Variants in MMP16 observed in about 807,000 individuals in gnomAD.
The protein encoded by MMP16 is matrix metallopeptidase 16.
MMP16 carries 12 observed loss-of-function variants against 67.8 expected under a neutral mutation model. The observed-to-expected ratio is 0.18, with a 90% CI of 0.11 to 0.29. The LOEUF (loss-of-function observed/expected upper bound fraction) is 0.29. Among genes scored for constraint, MMP16 ranks in the 10% least tolerant of loss-of-function variants. The pLI is 1.00. For missense variants in MMP16, 475 were observed against 765.7 expected (o/e 0.62, Z 4.48); for synonymous variants, 249 against 255.9 (o/e 0.97, Z 0.26).
intron 2 of MMP16, among the ~76,000 whole-genome samples, chr8:88,191,210 C>T (rs2129766702): frequency 6.6e-6 from 1 of 152,152 alleles, no homozygotes; most frequent in South Asian, 2.1e-4. Context: ...GATCCTGGTG[C>T]CATACTGTAG....
At chr8:88,108,303 C>T (rs1039056282) in intron 6 of MMP16, among the ~76,000 whole-genome samples, 3 of 151,122 alleles carry the variant, frequency 2.0e-5, no homozygotes, top group Non-Finnish European at 4.5e-5. Flanking sequence ...AAACGGCTAG[C>T]TATCTAACCA....
At chr8:88,258,146 C>T (rs1209244001) in intron 1 of MMP16, among the ~76,000 whole-genome samples, 2 of 151,876 alleles carry the variant, frequency 1.3e-5, no homozygotes, top group African/African-American at 4.8e-5. Context: ...CCCGGGTTCA[C>T]GTCAAATGAC....
At chr8:88,073,137 T>G (rs1808589549) in intron 7 of MMP16, among the ~76,000 whole-genome samples, 1 of 152,210 alleles carries the variant, frequency 6.6e-6, no homozygotes, top group South Asian at 2.1e-4. Context: ...CCCTTCTTTT[T>G]GTTGCTACTA....
intron 1 of MMP16, among the ~76,000 whole-genome samples, chr8:88,198,709 TA>T (rs58554906): frequency 4.7e-4 from 69 of 146,274 alleles, no homozygotes; most frequent in Non-Finnish European, 7.1e-4. Flanking sequence ...CCCTTGAAAA[TA>T]AAAAAAAAAC....
intron 1 of MMP16, among the ~76,000 whole-genome samples, chr8:88,277,867 G>T (rs1360443833): frequency 1.3e-5 from 2 of 152,170 alleles, no homozygotes. Context: ...AGACAGGTCT[G>T]CCCTACCTCA....
intron 4 of MMP16, among the ~76,000 whole-genome samples, chr8:88,149,550 AC>A (rs1229582975): frequency 3.9e-5 from 6 of 151,940 alleles, no homozygotes; most frequent in Admixed American, 3.9e-4. Context: ...TGGGTCCCTG[AC>A]CCCTGACCCC....
chr8:88,216,730 A>G (rs1437850502), intron 1 of MMP16, among the ~76,000 whole-genome samples: 1 of 152,126 alleles, frequency 6.6e-6, no homozygotes, highest in East Asian at 1.9e-4. Context: ...AAATATCTCA[A>G]TTGATGCTGG....
intron 4 of MMP16, among the ~76,000 whole-genome samples, chr8:88,162,763 T>C (rs1808650473): frequency 6.6e-6 from 1 of 151,994 alleles, no homozygotes; most frequent in Admixed American, 6.6e-5. Context: ...TGTAGCACTT[T>C]CCCTTCACTC....
intron 4 of MMP16, among the ~76,000 whole-genome samples, chr8:88,142,221 C>T (rs1484735806): frequency 1.3e-5 from 2 of 151,926 alleles, no homozygotes; most frequent in Non-Finnish European, 2.9e-5. Context: ...TAAATACGTT[C>T]ATTACAGTAT....
intron 4 of MMP16, among the ~76,000 whole-genome samples, chr8:88,142,102 G>A (rs1278411169): frequency 6.6e-6 from 1 of 151,714 alleles, no homozygotes; most frequent in Admixed American, 6.6e-5. Context: ...TAGAGATGGG[G>A]TTTTACCATG....
At chr8:88,120,407 A>G (rs1042081691) in intron 4 of MMP16, among the ~76,000 whole-genome samples, 2 of 151,976 alleles carry the variant, frequency 1.3e-5, no homozygotes, top group Non-Finnish European at 2.9e-5. Context: ...TTCAAATCAG[A>G]GACACCTTAG....
intron 1 of MMP16, among the ~76,000 whole-genome samples, chr8:88,242,301 G>A (rs987395908): frequency 6.6e-6 from 1 of 151,802 alleles, no homozygotes; most frequent in Non-Finnish European, 1.5e-5. Flanking sequence ...TTTTACCTTT[G>A]TTTCCTAACA....
rs550766881 is a variant in MMP16 at position 88,185,268 on chromosome 8, G to C, written c.404+1208C>G. Among the ~76,000 whole-genome samples the C allele has an allele frequency of 2.0e-5, 3 of 152,154 alleles. No individual in the cohort carries two copies. The East Asian group carries it at 5.8e-4, about 30-fold the overall frequency. ...GAGGTCAGGACTTCAAGACCAGCCTGGCTAACACGGGGAAATCCTGTGTCT... is the reference window on the plus strand; with the variant it reads ...GAGGTCAGGACTTCAAGACCAGCCTCGCTAACACGGGGAAATCCTGTGTCT... On this transcript the variant is annotated intron_variant, in intron 3 of 9. Transcript: ENST00000286614.
intron 1 of MMP16, among the ~76,000 whole-genome samples, chr8:88,314,227 C>T (rs943607401): frequency 7.2e-5 from 11 of 152,096 alleles, no homozygotes; most frequent in Non-Finnish European, 1.3e-4. Flanking sequence ...TAATTTTTAT[C>T]TCTAAAGTTC....
intron 1 of MMP16, among the ~76,000 whole-genome samples, chr8:88,303,037 C>T (rs1348361570): frequency 6.6e-6 from 1 of 152,202 alleles, no homozygotes; most frequent in Non-Finnish European, 1.5e-5. Context: ...CGTGAGCCCA[C>T]GCCACCAGGG....
At chr8:88,310,583 A>G (rs2130064979) in intron 1 of MMP16, among the ~76,000 whole-genome samples, 1 of 152,198 alleles carries the variant, frequency 6.6e-6, no homozygotes, top group African/African-American at 2.4e-5. Flanking sequence ...TCTAAGGAGC[A>G]CTCTACTTGC....
At chr8:88,053,612 CAT>C (rs1554574403) in intron 8 of MMP16, among the ~76,000 whole-genome samples, 3 of 152,046 alleles carry the variant, frequency 2.0e-5, no homozygotes, top group Non-Finnish European at 4.4e-5. Context: ...AATAATAAAA[CAT>C]AAATTCTCAT....
chr8:88,124,186 G>T lies in MMP16; in HGVS notation c.710-5325C>A, dbSNP rs200607611. Among the ~76,000 whole-genome samples the T allele has an allele frequency of 2.0e-5, 3 of 151,898 alleles. No individual in the cohort carries two copies. In the East Asian group the frequency reaches 5.9e-4, roughly 30 times the overall value. On this transcript the variant is annotated intron_variant, in intron 4 of 9. Transcript: ENST00000286614. ...TATGCTCAGACCTTTGAAGTCTTTTGTTGTACACAGGACTATTATTATGCC... is the reference window on the plus strand; with the variant it reads ...TATGCTCAGACCTTTGAAGTCTTTTTTTGTACACAGGACTATTATTATGCC...
intron 4 of MMP16, among the ~76,000 whole-genome samples, chr8:88,124,734 A>G (rs1317281860): frequency 6.6e-6 from 1 of 151,916 alleles, no homozygotes; most frequent in Non-Finnish European, 1.5e-5. Flanking sequence ...TGCCATAACA[A>G]AATACCACAT....
Sources: gnomAD v4.1 joint callset for allele counts (sites outside exome capture counted in the v4.1 genomes callset) on GRCh38, gnomAD v4.1.1 for gene constraint, MANE v1.5 for transcripts, NCBI Gene and HGNC (gene_info 2026-07-23, HGNC 2026-07-21) for gene names.